Variants in PCDHA13 observed in about 807,000 individuals in gnomAD.
The protein encoded by PCDHA13 is protocadherin alpha-13.
PCDHA13 carries 54 observed loss-of-function variants against 64.8 expected under a neutral mutation model. The ratio of observed to expected loss-of-function variants is 0.83; its 90% confidence interval spans 0.67 to 1.04. The LOEUF is 1.04. Ranked by LOEUF, PCDHA13 falls within the 50% of genes least tolerant of loss-of-function variation. PCDHA13 has a pLI of 0.00. For missense variants in PCDHA13, 1,248 were observed against 1,254.3 expected (o/e 0.99, Z 0.08); for synonymous variants, 587 against 564.4 (o/e 1.04, Z -0.57).
chr5:140,897,345 C>A (rs1291203410), intron 1 of PCDHA13, among the ~76,000 whole-genome samples: 2 of 126,562 alleles, frequency 1.6e-5, no homozygotes, highest in African/African-American at 6.0e-5. Flanking sequence ...CCCCCCACCC[C>A]ACAACTGTCC....
At chr5:140,966,798 C>T in intron 1 of PCDHA13, 1 of 1,537,636 alleles carries the variant, frequency 6.5e-7, no homozygotes, top group Non-Finnish European at 8.7e-7. Context: ...CCTGCGGCGA[C>T]AGAGCATCCA....
intron 3 of PCDHA13, among the ~76,000 whole-genome samples, chr5:140,993,452 T>C (rs1218728585): frequency 1.5e-5 from 2 of 135,256 alleles, no homozygotes; most frequent in Non-Finnish European, 3.1e-5. Flanking sequence ...CTGTTCTCCT[T>C]CTTTCTTTCT....
At chr5:140,942,160 A>G (rs782205493) in intron 1 of PCDHA13, among the ~76,000 whole-genome samples, 11 of 152,218 alleles carry the variant, frequency 7.2e-5, no homozygotes, top group Non-Finnish European at 1.5e-4. Context: ...AACAGCTTCC[A>G]TATTTCTCTA....
At chr5:140,923,093 A>G (rs1372910044) in intron 1 of PCDHA13, among the ~76,000 whole-genome samples, 3 of 152,194 alleles carry the variant, frequency 2.0e-5, no homozygotes, top group Admixed American at 6.5e-5. Flanking sequence ...TATTTGACCA[A>G]TGGGAGTATG....
chr5:140,902,180 A>G (rs991898675), intron 1 of PCDHA13, among the ~76,000 whole-genome samples: 2 of 140,608 alleles, frequency 1.4e-5, no homozygotes, highest in East Asian at 4.1e-4. Context: ...GATGTCCTTT[A>G]TGTCTTCTCT....
intron 1 of PCDHA13, among the ~76,000 whole-genome samples, chr5:140,960,605 A>G (rs1405858302): frequency 6.6e-6 from 1 of 152,184 alleles, no homozygotes; most frequent in Non-Finnish European, 1.5e-5. Flanking sequence ...TACTTCAACA[A>G]TATCTAGTGT....
rs1274589805 is a variant in PCDHA13, at chr5:140,906,709, G to T, written c.2394+22047G>T. Among the ~76,000 whole-genome samples the T allele has an allele frequency of 3.3e-5, 5 of 152,190 alleles. No individual in the cohort carries two copies. In the East Asian group the frequency reaches 9.6e-4, roughly 29 times the overall value. ...AAGGATCTGGGCCATTTGTAGTCCT[G>T]CCTGGATTGTGCTGTTGTAGTTTCC... On this transcript the variant is annotated intron_variant, in intron 1 of 3. Transcript: ENST00000289272.
chr5:140,929,071 T>C, intron 1 of PCDHA13: 1 of 1,614,122 alleles, frequency 6.2e-7, no homozygotes, highest in South Asian at 1.1e-5. Flanking sequence ...GGATCTGAGG[T>C]ATGGAAGTAA....
intron 1 of PCDHA13, among the ~76,000 whole-genome samples, chr5:140,948,351 A>C (rs951541212): frequency 6.6e-6 from 1 of 151,646 alleles, no homozygotes; most frequent in African/African-American, 2.4e-5. Flanking sequence ...TTCTAACCTA[A>C]TAAAATGACT....
At chr5:140,984,784 A>G (rs1022121650) in intron 3 of PCDHA13, among the ~76,000 whole-genome samples, 4 of 152,168 alleles carry the variant, frequency 2.6e-5, no homozygotes, top group Non-Finnish European at 4.4e-5. Context: ...TTGCTGGGTG[A>G]GCATAGACAA....
At chr5:140,953,620 T>G (rs1207803220) in intron 1 of PCDHA13, among the ~76,000 whole-genome samples, 1 of 152,146 alleles carries the variant, frequency 6.6e-6, no homozygotes, top group Non-Finnish European at 1.5e-5. Context: ...CTTAGATATT[T>G]GCTTTATGTA....
chr5:140,882,993 T>G lies in PCDHA13; in HGVS notation c.725T>G (p.Phe242Cys), dbSNP rs1554176415. Reference sequence around the variant, plus strand: ...GACGTGAATGACAACGCCCCGGAATTTTACCAATCCGTTTATAAAGTGACG... The same window carrying G: ...GACGTGAATGACAACGCCCCGGAATGTTACCAATCCGTTTATAAAGTGACG... Reference protein sequence around the residue: ...ILDVNDNAPEFYQSVYKVTVL... With the variant: ...ILDVNDNAPECYQSVYKVTVL... The change falls in exon 1 of 4, where the codon TTT (phenylalanine) becomes TGT (cysteine). Residue 242 changes from phenylalanine (F) to cysteine (C), a missense_variant. Physicochemically the swap from Phe to Cys is radical, Grantham distance 205. Transcript: ENST00000289272. The G allele has an allele frequency of 1.2e-6, 2 of 1,614,080 alleles. No homozygotes were observed. Among genetic ancestry groups the G allele is most frequent in the Non-Finnish European group, 1.7e-6 (2 of 1,180,002 alleles).
Position 140,967,283 on chromosome 5 carries a change from C to G in PCDHA13, c.2395-11666C>G, listed in dbSNP as rs782468433. The G allele has an allele frequency of 1.7e-5, 27 of 1,613,040 alleles. No homozygotes were observed. The Admixed American group carries it at 3.7e-4, about 22-fold the overall frequency. ...AGCGCGCTTTCACATAGAGAGTGCG[C>G]AGGACCCCGACGTGGGCGCCAACTC... On this transcript the variant is annotated intron_variant, in intron 1 of 3. Transcript: ENST00000289272.
At position 141,011,042 on chromosome 5, in the gene PCDHA13, T is replaced by G. The variant is rs915588789; in HGVS notation, c.*1105T>G. 6.5e-6 allele frequency: 1 copy of G among 153,796 alleles called. No individual in the cohort carries two copies. The highest frequency in any genetic ancestry group is 2.4e-5 in the African/African-American group (1 of 41,464). The allele number at this position is 153,796 out of a possible 1,614,324, so 9.5% of individuals were successfully genotyped here. A position where few individuals can be genotyped will look rare whatever the true frequency, so the allele number is the denominator to read the frequency against. On this transcript the variant is annotated 3_prime_UTR_variant, in exon 4 of 4. Transcript: ENST00000289272. ...TCACAGCTTTACTCTTTCAGGTCACTCTGGGGCTGCCTCTTGCATGTATTA... is the reference window on the plus strand; with the variant it reads ...TCACAGCTTTACTCTTTCAGGTCACGCTGGGGCTGCCTCTTGCATGTATTA...
At chr5:141,006,305 G>A (rs548520638) in intron 3 of PCDHA13, among the ~76,000 whole-genome samples, 25 of 151,934 alleles carry the variant, frequency 1.6e-4, no homozygotes, top group Admixed American at 5.2e-4. Context: ...TCCACTTCCC[G>A]GGTTCATGCC....
At chr5:140,958,442 T>C (rs1554223476) in intron 1 of PCDHA13, among the ~76,000 whole-genome samples, 1 of 152,178 alleles carries the variant, frequency 6.6e-6, no homozygotes, top group Non-Finnish European at 1.5e-5. Flanking sequence ...AATTTAAAAA[T>C]ACCTTTTATT....
chr5:140,955,022 A>G (rs1468442096), intron 1 of PCDHA13, among the ~76,000 whole-genome samples: 2 of 152,182 alleles, frequency 1.3e-5, no homozygotes, highest in Non-Finnish European at 2.9e-5. Flanking sequence ...ACCATTTATT[A>G]AATAGGGAAT....
chr5:140,926,683 C>A, intron 1 of PCDHA13: 3 of 669,314 alleles, frequency 4.5e-6, no homozygotes, highest in Non-Finnish European at 6.7e-6. Context: ...AGCCTCCAGC[C>A]TAGCAAGCCC....
intron 3 of PCDHA13, among the ~76,000 whole-genome samples, chr5:140,985,312 G>C (rs961087434): frequency 2.0e-5 from 3 of 152,102 alleles, no homozygotes; most frequent in Non-Finnish European, 2.9e-5. Flanking sequence ...TAGCCTGGTG[G>C]CCAGAATTCA....
Sources: gnomAD v4.1 joint callset for allele counts (sites outside exome capture counted in the v4.1 genomes callset) on GRCh38, gnomAD v4.1.1 for gene constraint, MANE v1.5 for transcripts, NCBI Gene and HGNC (gene_info 2026-07-23, HGNC 2026-07-21) for gene names.